Variants in B3GALT1 observed in about 807,000 individuals in gnomAD.
The protein encoded by B3GALT1 is UDP-Gal:betaGlcNAc beta 1,3-galactosyltransferase, polypeptide 1.
Under a neutral mutation model 23.2 loss-of-function variants are expected in B3GALT1, and 10 were observed. The observed-to-expected ratio is 0.43, with a 90% CI of 0.27 to 0.73. The LOEUF is 0.73. Among genes scored for constraint, B3GALT1 ranks in the 30% least tolerant of loss-of-function variants. The pLI, the probability that B3GALT1 is intolerant of heterozygous loss-of-function variation, is 0.21. For synonymous variants in B3GALT1, 156 were observed against 141.5 expected, an observed-to-expected ratio of 1.10 and a Z score of -0.73; for missense variants, 299 against 405.4, an observed-to-expected ratio of 0.74 and a Z score of 2.25.
chr2:167,335,975 T>C (rs991076983), intron 1 of B3GALT1, among the ~76,000 whole-genome samples: 2 of 152,046 alleles, frequency 1.3e-5, no homozygotes, highest in Non-Finnish European at 2.9e-5. Context: ...ATTTGATTGC[T>C]GGGGAGTAAA....
intron 2 of B3GALT1, among the ~76,000 whole-genome samples, chr2:167,529,618 C>G (rs1326175555): frequency 1.3e-5 from 2 of 151,398 alleles, no homozygotes; most frequent in Non-Finnish European, 2.9e-5. Context: ...GTCAGCTGTC[C>G]CCATCTCAGT....
At chr2:167,619,403 A>G (rs1282931562) in intron 2 of B3GALT1, among the ~76,000 whole-genome samples, 1 of 152,060 alleles carries the variant, frequency 6.6e-6, no homozygotes, top group Non-Finnish European at 1.5e-5. Context: ...GCCCCCCAAC[A>G]TACTAGAATT....
intron 4 of B3GALT1, among the ~76,000 whole-genome samples, chr2:167,834,708 G>A (rs1689421681): frequency 6.6e-6 from 1 of 152,122 alleles, no homozygotes; most frequent in Non-Finnish European, 1.5e-5. Flanking sequence ...AGTTGGCTGG[G>A]CACAGTGCCA....
intron 1 of B3GALT1, among the ~76,000 whole-genome samples, chr2:167,341,667 CA>C (rs374935464): frequency 6.7e-6 from 1 of 150,268 alleles, no homozygotes; most frequent in African/African-American, 2.4e-5. Context: ...ATCTCAAAAA[CA>C]AAAAAAAAGA....
intron 2 of B3GALT1, among the ~76,000 whole-genome samples, chr2:167,579,707 A>G (rs1000946920): frequency 2.0e-5 from 3 of 152,054 alleles, no homozygotes; most frequent in African/African-American, 7.2e-5. Context: ...TACTGCAGTC[A>G]GTACCTTTGG....
intron 3 of B3GALT1, among the ~76,000 whole-genome samples, chr2:167,651,236 T>TTGTGTG (rs747590317): frequency 3.6e-4 from 32 of 89,408 alleles, no homozygotes; most frequent in African/African-American, 1.1e-3. Context: ...AGCAGAAAGG[T>TTGTGTG]TGTGTGTGTG....
intron 2 of B3GALT1, among the ~76,000 whole-genome samples, chr2:167,537,456 A>G (rs1305999750): frequency 6.6e-6 from 1 of 152,212 alleles, no homozygotes; most frequent in Non-Finnish European, 1.5e-5. Context: ...GACAGCATAG[A>G]AAGGGATATA....
chr2:167,750,844 TC>T (rs201919728), intron 3 of B3GALT1, among the ~76,000 whole-genome samples: 1,759 of 152,076 alleles, frequency 0.012, 13 homozygotes, highest in Non-Finnish European at 0.018. Context: ...GCCCATCTGT[TC>T]CTCTCACTCA....
intron 1 of B3GALT1, among the ~76,000 whole-genome samples, chr2:167,386,786 A>C (rs987510846): frequency 2.0e-5 from 3 of 152,238 alleles, no homozygotes; most frequent in Admixed American, 2.0e-4. Flanking sequence ...CTGGAATTAG[A>C]GAAGTCTTTA....
intron 1 of B3GALT1, among the ~76,000 whole-genome samples, chr2:167,411,982 C>T (rs191972891): frequency 9.2e-5 from 14 of 152,082 alleles, no homozygotes; most frequent in Admixed American, 5.2e-4. Flanking sequence ...TGTTCTCACT[C>T]GTGTAGGAGC....
At chr2:167,669,535 A>G (rs370402035) in intron 3 of B3GALT1, among the ~76,000 whole-genome samples, 1 of 152,260 alleles carries the variant, frequency 6.6e-6, no homozygotes, top group East Asian at 1.9e-4. Flanking sequence ...AATCATCATG[A>G]TTTTGAAGTA....
At chr2:167,613,934 A>G (rs902166147) in intron 2 of B3GALT1, among the ~76,000 whole-genome samples, 1 of 151,810 alleles carries the variant, frequency 6.6e-6, no homozygotes, top group African/African-American at 2.4e-5. Flanking sequence ...ATTATAATCT[A>G]CCAGAAATCA....
chr2:167,719,593 T>C (rs1384402498), intron 3 of B3GALT1, among the ~76,000 whole-genome samples: 1 of 152,182 alleles, frequency 6.6e-6, no homozygotes, highest in East Asian at 1.9e-4. Context: ...TTTGAGAGGC[T>C]TGATTCTTTG....
intron 2 of B3GALT1, among the ~76,000 whole-genome samples, chr2:167,591,363 T>TG (rs1221047862): frequency 6.6e-6 from 1 of 152,124 alleles, no homozygotes; most frequent in African/African-American, 2.4e-5. Flanking sequence ...GATAGTGAGG[T>TG]GGGCCTTGTA....
Position 167,873,053 on chromosome 2 carries a change from T to C in B3GALT1, c.*3033T>C, listed in dbSNP as rs1479763060. On this transcript the variant is annotated 3_prime_UTR_variant, in exon 5 of 5. Coordinates refer to ENST00000392690, the MANE Select transcript of B3GALT1 (RefSeq NM_020981.4). The stretch of plus-strand genomic sequence containing the variant: ...TTTTGTTAATTTTATGACATGACAC[T>C]GGCCAAAATATTGTTTCAATTACTG... The C allele has an allele frequency of 6.6e-6, 1 of 152,196 alleles. No homozygotes were observed. The highest frequency in any genetic ancestry group is 2.4e-5 in the African/African-American group (1 of 41,456). 9.4% of individuals were successfully genotyped at this position (152,196 alleles called of 1,614,324 possible).
chr2:167,746,481 T>C (rs7585307), intron 3 of B3GALT1, among the ~76,000 whole-genome samples: 65,947 of 152,066 alleles, frequency 0.43, 14,453 homozygotes, highest in Non-Finnish European at 0.46. Context: ...CATCATGTTG[T>C]GTGAGCATGT....
intron 3 of B3GALT1, among the ~76,000 whole-genome samples, chr2:167,736,476 T>C (rs530950944): frequency 6.6e-6 from 1 of 152,296 alleles, no homozygotes; most frequent in East Asian, 1.9e-4. Context: ...AGTCTTAAAA[T>C]GGCAAGCTCA....
At chr2:167,743,664 T>C (rs1414350735) in intron 3 of B3GALT1, among the ~76,000 whole-genome samples, 1 of 152,110 alleles carries the variant, frequency 6.6e-6, no homozygotes, top group African/African-American at 2.4e-5. Context: ...ATTGGTAGTT[T>C]ATGTTCTCAT....
intron 1 of B3GALT1, among the ~76,000 whole-genome samples, chr2:167,476,307 TTTGGGACA>T (rs565599800): frequency 2.2e-4 from 34 of 152,304 alleles, no homozygotes; most frequent in African/African-American, 8.2e-4. Context: ...CACAGGCAGA[TTTGGGACA>T]GCTAAAAGTA....
Sources: gnomAD v4.1 joint callset for allele counts (sites outside exome capture counted in the v4.1 genomes callset) on GRCh38, gnomAD v4.1.1 for gene constraint, MANE v1.5 for transcripts, NCBI Gene and HGNC (gene_info 2026-07-23, HGNC 2026-07-21) for gene names.